Variants in CCDC178 observed in about 807,000 individuals in gnomAD.
CCDC178 encodes the protein coiled-coil domain-containing protein 178.
A neutral mutation model predicts 117.4 loss-of-function variants in CCDC178; 126 were observed. The ratio of observed to expected loss-of-function variants is 1.07; its 90% CI spans 0.93 to 1.24. The LOEUF is 1.24. CCDC178 is among the 50% of genes most tolerant of loss of function. The probability of loss-of-function intolerance (pLI) is 0.00; values close to 1 mark genes in which losing one functional copy is unlikely to be tolerated. For missense variants in CCDC178, 1,030 were observed against 986.9 expected (o/e 1.04, Z -0.59); for synonymous variants, 283 against 313.4 (o/e 0.90, Z 1.02).
chr18:33,427,566 A>G, intron 2 of CCDC178, among the ~76,000 whole-genome samples: 1 of 152,284 alleles, frequency 6.6e-6, no homozygotes, highest in South Asian at 2.1e-4. Context: ...TATTGACTTT[A>G]TATTATGTCT....
At chr18:33,093,117 GT>G (rs202019441) in intron 20 of CCDC178, among the ~76,000 whole-genome samples, 28 of 151,060 alleles carry the variant, frequency 1.9e-4, no homozygotes, top group East Asian at 9.7e-4. Flanking sequence ...TTTGATGCAG[GT>G]TTTTTTTTAA....
chr18:32,983,035 G>T (rs1231805575), intron 21 of CCDC178, among the ~76,000 whole-genome samples: 2 of 151,916 alleles, frequency 1.3e-5, no homozygotes, highest in Admixed American at 1.3e-4. Flanking sequence ...TGTTGATAAT[G>T]GAGGAGGCTA....
At chr18:33,287,189 A>G (rs1188406762) in intron 12 of CCDC178, among the ~76,000 whole-genome samples, 3 of 152,156 alleles carry the variant, frequency 2.0e-5, no homozygotes, top group African/African-American at 7.2e-5. Flanking sequence ...TTTAAGTTGT[A>G]TGTGCAATTA....
intron 22 of CCDC178, among the ~76,000 whole-genome samples, chr18:32,940,508 CTTTAT>C (rs2054213557): frequency 6.6e-6 from 1 of 151,594 alleles, no homozygotes; most frequent in South Asian, 2.1e-4. Context: ...TATTTTTTAA[CTTTAT>C]TTTAGGTTCA....
intron 11 of CCDC178, among the ~76,000 whole-genome samples, chr18:33,300,268 C>T (rs1001795329): frequency 4.6e-5 from 7 of 152,174 alleles, no homozygotes; most frequent in African/African-American, 7.2e-5. Flanking sequence ...CTTCTATAGC[C>T]TGCAGAACTG....
chr18:33,047,875 T>C (rs2056674472), intron 21 of CCDC178, among the ~76,000 whole-genome samples: 1 of 152,166 alleles, frequency 6.6e-6, no homozygotes, highest in Admixed American at 6.6e-5. Flanking sequence ...AAGGTAACTT[T>C]TACCCTCTAA....
At chr18:33,055,097 G>T (rs768202265) in intron 21 of CCDC178, among the ~76,000 whole-genome samples, 13 of 152,066 alleles carry the variant, frequency 8.5e-5, no homozygotes, top group Non-Finnish European at 1.5e-4. Flanking sequence ...GTCTGTTCAT[G>T]TCCTTTGCCT....
chr18:33,005,551 G>A lies in CCDC178; in HGVS notation c.2389-30870C>T, dbSNP rs117150611. Reference sequence around the variant, plus strand: ...TAAATAAGATCTAGTATTTGATAACGCAACAGAGTGACAACAGACAACAAT... The same window carrying A: ...TAAATAAGATCTAGTATTTGATAACACAACAGAGTGACAACAGACAACAAT... On this transcript the variant is annotated intron_variant, in intron 21 of 22. Coordinates refer to ENST00000383096, the MANE Select transcript of CCDC178 (RefSeq NM_001105528.4). Among the ~76,000 whole-genome samples, 9 of 152,026 alleles carry A rather than the reference G, an allele frequency of 5.9e-5. No homozygotes were observed. In the East Asian group the frequency reaches 1.2e-3, roughly 20 times the overall value.
At chr18:33,059,910 C>T (rs1296488717) in intron 21 of CCDC178, among the ~76,000 whole-genome samples, 1 of 152,186 alleles carries the variant, frequency 6.6e-6, no homozygotes, top group Non-Finnish European at 1.5e-5. Context: ...TAAGATTCTT[C>T]CTGATTTGCT....
At chr18:33,275,348 C>G (rs916357571) in intron 12 of CCDC178, among the ~76,000 whole-genome samples, 1 of 151,726 alleles carries the variant, frequency 6.6e-6, no homozygotes, top group Non-Finnish European at 1.5e-5. Context: ...AATAATTCAA[C>G]TTTTGAGAAT....
chr18:33,213,848 T>G (rs749043147), intron 19 of CCDC178, among the ~76,000 whole-genome samples: 13 of 152,178 alleles, frequency 8.5e-5, no homozygotes, highest in Non-Finnish European at 1.2e-4. Flanking sequence ...TTTAATTGTC[T>G]TGTTTATATA....
At chr18:33,192,922 G>A (rs1481987018) in intron 20 of CCDC178, among the ~76,000 whole-genome samples, 4 of 142,678 alleles carry the variant, frequency 2.8e-5, no homozygotes, top group African/African-American at 1.0e-4. Context: ...AAAAGAAAAA[G>A]AAGAAAAAAT....
intron 21 of CCDC178, among the ~76,000 whole-genome samples, chr18:33,022,062 T>C (rs553289995): frequency 6.6e-6 from 1 of 152,340 alleles, no homozygotes; most frequent in East Asian, 1.9e-4. Context: ...CACATAAATA[T>C]TAATGACATA....
chr18:33,409,507 T>C (rs1660501857), intron 3 of CCDC178, among the ~76,000 whole-genome samples: 1 of 152,256 alleles, frequency 6.6e-6, no homozygotes, highest in Non-Finnish European at 1.5e-5. Context: ...ATGCTGAATG[T>C]ACTTTCACAG....
chr18:33,199,969 GAT>G (rs973303673), intron 20 of CCDC178, among the ~76,000 whole-genome samples: 3 of 151,944 alleles, frequency 2.0e-5, no homozygotes, highest in Admixed American at 2.0e-4. Flanking sequence ...TCAGAAACCT[GAT>G]ATATATATAT....
At chr18:33,087,299 A>T (rs925516940) in intron 21 of CCDC178, among the ~76,000 whole-genome samples, 3 of 152,106 alleles carry the variant, frequency 2.0e-5, no homozygotes, top group African/African-American at 7.2e-5. Context: ...CCAGCAATAA[A>T]CTCCCAGTCT....
chr18:33,184,991 A>G (rs1364608674), intron 20 of CCDC178, among the ~76,000 whole-genome samples: 1 of 152,012 alleles, frequency 6.6e-6, no homozygotes, highest in African/African-American at 2.4e-5. Flanking sequence ...TCTATACGAG[A>G]CCAAAAAGAC....
intron 21 of CCDC178, among the ~76,000 whole-genome samples, chr18:32,985,246 T>G (rs1284876721): frequency 6.6e-6 from 1 of 151,986 alleles, no homozygotes; most frequent in Non-Finnish European, 1.5e-5. Flanking sequence ...ACATAAATGC[T>G]TATGAAGTTA....
chr18:32,962,276 G>A (rs1337206884), intron 22 of CCDC178, among the ~76,000 whole-genome samples: 1 of 151,948 alleles, frequency 6.6e-6, no homozygotes, highest in African/African-American at 2.4e-5. Flanking sequence ...TCTAAATTCA[G>A]TTGTCTTTTT....
Sources: gnomAD v4.1 joint callset for allele counts (sites outside exome capture counted in the v4.1 genomes callset) on GRCh38, gnomAD v4.1.1 for gene constraint, MANE v1.5 for transcripts, NCBI Gene and HGNC (gene_info 2026-07-23, HGNC 2026-07-21) for gene names.